The following PI3 variants were observed in gnomAD, a reference collection of about 807,000 sequenced individuals.
PI3 encodes the protein elafin.
A neutral mutation model predicts 6.0 loss-of-function variants in PI3; 4 were observed. That is an observed-to-expected ratio of 0.67 (90% CI 0.33 to 1.54). PI3 has a LOEUF of 1.54. Among genes scored for constraint, PI3 ranks in the 40% most tolerant of loss-of-function variants. The probability of loss-of-function intolerance (pLI) is 0.06; values close to 1 mark genes in which losing one functional copy is unlikely to be tolerated. For synonymous variants in PI3, 58 were observed against 56.9 expected (o/e 1.02, Z -0.09); for missense variants, 149 against 147.6 (o/e 1.01, Z -0.05).
intron 1 of PI3, among the ~76,000 whole-genome samples, chr20:45,175,330 C>T (rs56168207): frequency 0.16 from 23,959 of 152,100 alleles, 2,022 homozygotes; most frequent in Middle Eastern, 0.24. Context: ...CACAGTCCCC[C>T]GTTTCTCTGC....
chr20:45,176,469 T>G lies in PI3; in HGVS notation c.*101T>G. On this transcript the variant is annotated 3_prime_UTR_variant, in exon 3 of 3. Transcript: ENST00000243924. ...CTTCCCCTTCCCACACTGTCCATTC[T>G]TCCTCCCATTCAGGATGCCCACGGC... 3.4e-6 allele frequency: 1 copy of G among 291,654 alleles called. No homozygotes were observed. The highest frequency in any genetic ancestry group is 5.4e-5 in the South Asian group (1 of 18,402). The allele number at this position is 291,654 out of a possible 1,614,324, so 18.1% of individuals were successfully genotyped here. A position where few individuals can be genotyped will look rare whatever the true frequency, so the allele number is the denominator to read the frequency against.
intron 1 of PI3, among the ~76,000 whole-genome samples, chr20:45,175,344 A>G (rs1415874376): frequency 6.6e-6 from 1 of 152,234 alleles, no homozygotes; most frequent in African/African-American, 2.4e-5. Flanking sequence ...TCTCTGCCCC[A>G]TAAAAGCACT....
In PI3 at chr20:45,175,958, C is replaced by G. The variant is rs772079897; in HGVS notation, c.177C>G (p.Val59=). Residue 59 remains valine, a synonymous_variant, in exon 2 of 3, where the codon GTC becomes GTG. Coordinates refer to ENST00000243924, the MANE Select transcript of PI3 (RefSeq NM_002638.4). ...GQVSVKGQDK[V]KAQEPVKGPV... ...TTTCAGTTAAAGGTCAAGATAAAGT[C>G]AAAGCGCAAGAGCCAGTCAAAGGTC... 40 of 1,614,184 alleles carry G rather than the reference C, an allele frequency of 2.5e-5. No homozygotes were observed. Among genetic ancestry groups the G allele is most frequent in the Non-Finnish European group, 3.4e-5 (40 of 1,180,012 alleles).
rs1982788428 is a variant in PI3, at chr20:45,176,116, C to T, written c.335C>T (p.Ala112Val). Residue 112 changes from alanine to valine, a missense_variant, in exon 2 of 3, where the codon GCC becomes GTC. Coordinates refer to ENST00000243924, the MANE Select transcript of PI3 (RefSeq NM_002638.4). Reference sequence around the variant, plus strand: ...TGCTGTGAAGGCTCTTGCGGGATGGCCTGTTTCGTTCCCCAGTGAGGTGAG... The same window carrying T: ...TGCTGTGAAGGCTCTTGCGGGATGGTCTGTTTCGTTCCCCAGTGAGGTGAG... ...KKCCEGSCGM[A>V]CFVPQ is the part of the protein sequence containing the mutation. 3 of 1,613,922 alleles carry T rather than the reference C, an allele frequency of 1.9e-6. No individual in the cohort carries two copies. The highest frequency in any genetic ancestry group is 2.5e-6 in the Non-Finnish European group (3 of 1,180,002).
In PI3 at chr20:45,176,047, C is replaced by G. The variant is rs1982786248; in HGVS notation, c.266C>G (p.Pro89Arg). Residue 89 changes from proline to arginine, a missense_variant, in exon 2 of 3, where the codon CCT becomes CGT. Transcript: ENST00000243924. ...ATCCGGTGCGCCATGTTGAATCCCC[C>G]TAACCGCTGCTTGAAAGATACTGAC... ...ILIRCAMLNPPNRCLKDTDCP... is the reference protein window; with the variant it reads ...ILIRCAMLNPRNRCLKDTDCP... 6.2e-7 allele frequency: 1 copy of G among 1,614,206 alleles called. No individual in the cohort carries two copies. Among genetic ancestry groups the G allele is most frequent in the Non-Finnish European group, 8.5e-7 (1 of 1,180,030 alleles).
Position 45,176,539 on chromosome 20 carries a change from G to C in PI3, c.*171G>C, listed in dbSNP as rs768554595. ...CACTTTCCAATAAAGAGTTCCTTCT[G>C]CTCCACTTGTTTCTGGTTCCTATGA... On this transcript the variant is annotated 3_prime_UTR_variant, in exon 3 of 3. Transcript: ENST00000243924. 11 of 196,142 alleles carry C rather than the reference G, an allele frequency of 5.6e-5. No homozygotes were observed. The highest frequency in any genetic ancestry group is 1.1e-4 in the Admixed American group (2 of 18,546). 12.2% of individuals were successfully genotyped at this position (196,142 alleles called of 1,614,324 possible).
chr20:45,175,596 C>CCAG (rs1336924533), intron 1 of PI3, among the ~76,000 whole-genome samples: 11 of 152,168 alleles, frequency 7.2e-5, no homozygotes, highest in Non-Finnish European at 8.8e-5. Context: ...GGGTGTCACC[C>CCAG]CAGTCTGACC....
chr20:45,176,268 G>C, intron 2 of PI3, 102 bp from the exon 3 acceptor site: 5 of 831,402 alleles, frequency 6.0e-6, no homozygotes, highest in Non-Finnish European at 9.5e-6. Flanking sequence ...AGGGGTCTGA[G>C]AGGCTATAAC....
rs1171008663 is a variant in PI3, at chr20:45,175,956, G to A, written c.175G>A (p.Val59Ile). The change falls in exon 2 of 3, where the codon GTC (valine) becomes ATC (isoleucine). Residue 59 changes from valine to isoleucine, a missense_variant. Val to Ile is a conservative substitution (Grantham distance 29). Coordinates refer to ENST00000243924, the MANE Select transcript of PI3 (RefSeq NM_002638.4). ...GQVSVKGQDK[V>I]KAQEPVKGPV... ...AGTTTCAGTTAAAGGTCAAGATAAAGTCAAAGCGCAAGAGCCAGTCAAAGG... is the reference window on the plus strand; with the variant it reads ...AGTTTCAGTTAAAGGTCAAGATAAAATCAAAGCGCAAGAGCCAGTCAAAGG... 1.2e-6 allele frequency: 2 copies of A among 1,614,092 alleles called. No homozygotes were observed. The highest frequency in any genetic ancestry group is 1.7e-6 in the Non-Finnish European group (2 of 1,180,040).
At chr20:45,176,310 C>T in intron 2 of PI3, 60 bp from the exon 3 acceptor site, 1 of 629,734 alleles carries the variant, frequency 1.6e-6, no homozygotes, top group Non-Finnish European at 2.8e-6. Context: ...CTGTCTTCCT[C>T]ACTGCCTCTG....
rs1367398911 is a variant in PI3, at chr20:45,176,021, G to C, written c.240G>C (p.Leu80Phe). 1.2e-6 allele frequency: 2 copies of C among 1,614,054 alleles called. No homozygotes were observed. The highest frequency in any genetic ancestry group is 1.7e-6 in the Non-Finnish European group (2 of 1,180,028). ...STKPGSCPII[L>F]IRCAMLNPPN... ...AGCCTGGCTCCTGCCCCATTATCTT[G>C]ATCCGGTGCGCCATGTTGAATCCCC... is the stretch of plus-strand genomic sequence containing the variant. Residue 80 changes from leucine to phenylalanine, a missense_variant, in exon 2 of 3, where the codon TTG becomes TTC. Transcript: ENST00000243924.
rs776194190 is a variant in PI3, at chr20:45,176,178, A to G, written c.*1+42A>G. 2.1e-5 allele frequency: 33 copies of G among 1,603,124 alleles called. No individual in the cohort carries two copies. In the Middle Eastern group the frequency reaches 7.4e-4, roughly 36 times the overall value. Reference sequence around the variant, plus strand: ...GAACGAGGAGACCCCTGAAGACACAAAAGAAGGCTGAGCGGTGGGGAAGCA... The same window carrying G: ...GAACGAGGAGACCCCTGAAGACACAGAAGAAGGCTGAGCGGTGGGGAAGCA... On this transcript the variant is annotated intron_variant, in intron 2 of 2. Coordinates refer to ENST00000243924, the MANE Select transcript of PI3 (RefSeq NM_002638.4).
At chr20:45,175,426 C>T (rs1381064650) in intron 1 of PI3, among the ~76,000 whole-genome samples, 1 of 152,176 alleles carries the variant, frequency 6.6e-6, no homozygotes, top group East Asian at 1.9e-4. Context: ...TGAGGACCCC[C>T]ATTTTATAAG....
rs768778801 is a variant in PI3 at position 45,175,008 on chromosome 20, G to A, written c.79+7G>A. 3 of 1,608,994 alleles carry A rather than the reference G, an allele frequency of 1.9e-6. No individual in the cohort carries two copies. Among genetic ancestry groups the A allele is most frequent in the Admixed American group, 1.7e-5 (1 of 59,746 alleles). On this transcript the variant is annotated splice_region_variant and intron_variant, in intron 1 of 2. Transcript: ENST00000243924. ...GAGGCAGCTGTCACGGGAGGTGAGT[G>A]AACAGGTGACCTGCTGGGCTGGGTT...
At position 45,176,034 on chromosome 20, in the gene PI3, A is replaced by G. The variant is rs370675293; in HGVS notation, c.253A>G (p.Met85Val). Reference protein sequence around the residue: ...SCPIILIRCAMLNPPNRCLKD... With the variant: ...SCPIILIRCAVLNPPNRCLKD... ...CCCCATTATCTTGATCCGGTGCGCC[A>G]TGTTGAATCCCCCTAACCGCTGCTT... Residue 85 changes from methionine to valine, a missense_variant, in exon 2 of 3, where the codon ATG (methionine) becomes GTG (valine). By Grantham distance (21) the Met-to-Val change is conservative (BLOSUM62 1). Transcript: ENST00000243924. The G allele has an allele frequency of 6.2e-7, 1 of 1,614,050 alleles. No homozygotes were observed. Among genetic ancestry groups the G allele is most frequent in the African/African-American group, 1.3e-5 (1 of 74,934 alleles).
rs145742984 is a variant in PI3 at position 45,176,030 on chromosome 20, C to T, written c.249C>T (p.Cys83=). Residue 83 remains cysteine, a synonymous_variant, in exon 2 of 3, where the codon TGC becomes TGT. Transcript: ENST00000243924. ...PGSCPIILIR[C]AMLNPPNRCL... ...CCTGCCCCATTATCTTGATCCGGTGCGCCATGTTGAATCCCCCTAACCGCT... is the reference window on the plus strand; with the variant it reads ...CCTGCCCCATTATCTTGATCCGGTGTGCCATGTTGAATCCCCCTAACCGCT... 1.5e-4 allele frequency: 244 copies of T among 1,614,150 alleles called. No homozygotes were observed. In the East Asian group the frequency reaches 3.1e-3, roughly 21 times the overall value.
intron 1 of PI3, among the ~76,000 whole-genome samples, chr20:45,175,296 A>C (rs1186468364): frequency 6.6e-6 from 1 of 152,216 alleles, no homozygotes; most frequent in African/African-American, 2.4e-5. Flanking sequence ...AATGAACTCC[A>C]GGATTTTAAA....
Position 45,176,030 on chromosome 20 carries a change from C to A in PI3, c.249C>A (p.Cys83Ter), listed in dbSNP as rs145742984. Residue 83 changes from cysteine (C) to a stop codon, truncating the protein, a stop_gained, in exon 2 of 3, where the codon TGC becomes TGA. Coordinates refer to ENST00000243924, the MANE Select transcript of PI3 (RefSeq NM_002638.4). LOFTEE classifies it low-confidence loss of function (END_TRUNC). ...PGSCPIILIRCAMLNPPNRCL... is the reference protein window; with the variant it reads ...PGSCPIILIR ...CCTGCCCCATTATCTTGATCCGGTG[C>A]GCCATGTTGAATCCCCCTAACCGCT... 6.2e-7 allele frequency: 1 copy of A among 1,614,150 alleles called. No individual in the cohort carries two copies. Among genetic ancestry groups the A allele is most frequent in the Non-Finnish European group, 8.5e-7 (1 of 1,180,008 alleles).
rs994755357 is a variant in PI3 at position 45,176,474 on chromosome 20, C to A, written c.*106C>A. The stretch of plus-strand genomic sequence containing the variant: ...CCTTCCCACACTGTCCATTCTTCCT[C>A]CCATTCAGGATGCCCACGGCTGGAG... On this transcript the variant is annotated 3_prime_UTR_variant, in exon 3 of 3. Coordinates refer to ENST00000243924, the MANE Select transcript of PI3 (RefSeq NM_002638.4). The A allele has an allele frequency of 7.7e-5, 22 of 285,750 alleles. No homozygotes were observed. Among genetic ancestry groups the A allele is most frequent in the African/African-American group, 4.3e-4 (20 of 46,230 alleles). 17.7% of individuals were successfully genotyped at this position (285,750 alleles called of 1,614,324 possible).
Sources: allele counts gnomAD v4.1 joint callset (sites outside exome capture counted in the v4.1 genomes callset), GRCh38; gene constraint gnomAD v4.1.1; transcripts MANE v1.5; gene names NCBI Gene and HGNC (gene_info 2026-07-23, HGNC 2026-07-21).